Variants in HSPA4L observed in about 807,000 individuals in gnomAD.
The protein encoded by HSPA4L is heat shock 70 kDa protein 4L.
HSPA4L carries 48 observed loss-of-function variants against 100.3 expected under a neutral mutation model. The ratio of observed to expected loss-of-function variants is 0.48; its 90% confidence interval spans 0.38 to 0.61. The LOEUF is 0.61. Among genes scored for constraint, HSPA4L ranks in the 20% least tolerant of loss-of-function variants. The pLI is 0.00. For synonymous variants in HSPA4L, 319 were observed against 328.2 expected (o/e 0.97, Z 0.30); for missense variants, 886 against 988.6 (o/e 0.90, Z 1.39).
At chr4:127,795,240 AG>A in intron 2 of HSPA4L, among the ~76,000 whole-genome samples, 1 of 152,284 alleles carries the variant, frequency 6.6e-6, no homozygotes, top group South Asian at 2.1e-4. Flanking sequence ...TGGGACCAGA[AG>A]TATTCAGATT....
At chr4:127,815,640 TA>T (rs751575954) in intron 12 of HSPA4L, among the ~76,000 whole-genome samples, 3 of 152,220 alleles carry the variant, frequency 2.0e-5, no homozygotes, top group Non-Finnish European at 2.9e-5. Flanking sequence ...TACTTCTATT[TA>T]TTTTTTTAAT....
At chr4:127,818,799 G>A (rs887326280) in intron 13 of HSPA4L, among the ~76,000 whole-genome samples, 17 of 151,546 alleles carry the variant, frequency 1.1e-4, no homozygotes, top group Admixed American at 9.9e-4. Context: ...TTAATACCTG[G>A]GTGATGAAAT....
At chr4:127,824,751 C>G (rs939468518) in intron 16 of HSPA4L, among the ~76,000 whole-genome samples, 1 of 152,184 alleles carries the variant, frequency 6.6e-6, no homozygotes, top group Non-Finnish European at 1.5e-5. Context: ...GACTTGGCCA[C>G]AAAATCTCCT....
chr4:127,814,122 TTAAAGG>T lies in HSPA4L; in HGVS notation c.1578+2487_1578+2492del, dbSNP rs556679376. Among the ~76,000 whole-genome samples, 279 of 152,232 alleles carry T rather than the reference TTAAAGG, an allele frequency of 1.8e-3. 2 individuals are homozygous for T. The highest frequency in any genetic ancestry group is 6.3e-3 in the African/African-American group (262 of 41,546). ...AGCTGGAAATTCAGTTAACCAAGCT[TTAAAGG>T]ATGATTTCTGTATGTGAACTAAGTG... is the stretch of plus-strand genomic sequence containing the variant. On this transcript the variant is annotated intron_variant, in intron 12 of 18. Coordinates refer to ENST00000296464, the MANE Select transcript of HSPA4L (RefSeq NM_014278.4).
At chr4:127,782,960 G>A (rs2148771741) in intron 1 of HSPA4L, among the ~76,000 whole-genome samples, 1 of 152,280 alleles carries the variant, frequency 6.6e-6, no homozygotes, top group Admixed American at 6.5e-5. Context: ...TCTTTTGCTT[G>A]CGAGGAAGAG....
chr4:127,808,796 A>G (rs1169477119), intron 11 of HSPA4L, among the ~76,000 whole-genome samples: 1 of 152,118 alleles, frequency 6.6e-6, no homozygotes, highest in Non-Finnish European at 1.5e-5. Flanking sequence ...GGTGGCACAC[A>G]CTTGTAATCT....
At chr4:127,801,296 A>C in intron 5 of HSPA4L, 59 bp downstream of exon 5, 1 of 1,223,512 alleles carries the variant, frequency 8.2e-7, no homozygotes. Context: ...GTTTTTTTCT[A>C]ATTATTAACA....
intron 9 of HSPA4L, 94 bp from the exon 10 acceptor site, chr4:127,805,593 G>A: frequency 1.2e-6 from 1 of 854,436 alleles, no homozygotes; most frequent in South Asian, 2.3e-5. Flanking sequence ...TGTAACAGTT[G>A]TAATAGGAGG....
chr4:127,828,485 C>T (rs1734003161), intron 17 of HSPA4L, among the ~76,000 whole-genome samples: 2 of 151,814 alleles, frequency 1.3e-5, no homozygotes, highest in Non-Finnish European at 2.9e-5. Context: ...TGAGGTTTAC[C>T]CAAGTAGTTA....
Position 127,822,860 on chromosome 4 carries a change from T to C in HSPA4L, c.1904T>C (p.Leu635Pro). The C allele has an allele frequency of 6.2e-7, 1 of 1,613,134 alleles. No individual in the cohort carries two copies. The highest frequency in any genetic ancestry group is 8.5e-7 in the Non-Finnish European group (1 of 1,179,252). The change falls in exon 15 of 19, where the codon CTG becomes CCG. Residue 635 changes from leucine (L) to proline (P), a missense_variant. Coordinates refer to ENST00000296464, the MANE Select transcript of HSPA4L (RefSeq NM_014278.4). ...EEYVYDFRDR[L>P]GTVYEKFITP... ...TATGTATATGATTTTAGAGACAGGC[T>C]GGGCACTGTCTATGAAAAATTCATC...
Position 127,782,459 on chromosome 4 carries a change from G to A in HSPA4L, c.-92G>A. 9.8e-7 allele frequency: 1 copy of A among 1,016,548 alleles called. No individual in the cohort carries two copies. Among genetic ancestry groups the A allele is most frequent in the Non-Finnish European group, 1.5e-6 (1 of 652,060 alleles). The allele number at this position is 1,016,548 out of a possible 1,614,324, so 63.0% of individuals were successfully genotyped here. ...GGTCCCCTCTCGTTTGCTTCTGGTAGGAGTCGCAATCCCAGCAGCAATAGC... is the reference window on the plus strand; with the variant it reads ...GGTCCCCTCTCGTTTGCTTCTGGTAAGAGTCGCAATCCCAGCAGCAATAGC... On this transcript the variant is annotated 5_prime_UTR_variant, in exon 1 of 19. Transcript: ENST00000296464.
chr4:127,840,143 C>T lies in HSPA4L; in HGVS notation c.*7269C>T. 1 of 152,268 alleles carries T rather than the reference C, an allele frequency of 6.6e-6. No individual in the cohort carries two copies. The highest frequency in any genetic ancestry group is 1.5e-5 in the Non-Finnish European group (1 of 68,086). The allele number at this position is 152,268 out of a possible 1,614,324, so 9.4% of individuals were successfully genotyped here. On this transcript the variant is annotated 3_prime_UTR_variant, in exon 19 of 19. Transcript: ENST00000296464. ...GGCTGAGGTGGGAGAATAGCTTGAACCTGGGAGGCAGAGGTTGTGGTGAGC... is the reference window on the plus strand; with the variant it reads ...GGCTGAGGTGGGAGAATAGCTTGAATCTGGGAGGCAGAGGTTGTGGTGAGC...
chr4:127,825,252 T>C (rs1483877398), intron 16 of HSPA4L, among the ~76,000 whole-genome samples: 1 of 152,196 alleles, frequency 6.6e-6, no homozygotes, highest in South Asian at 2.1e-4. Flanking sequence ...TGGGTGCTTA[T>C]TGAAATGGAA....
chr4:127,829,135 G>A (rs971992349), intron 17 of HSPA4L, among the ~76,000 whole-genome samples: 1 of 152,092 alleles, frequency 6.6e-6, no homozygotes, highest in Middle Eastern at 3.2e-3. Context: ...ACACATGTTA[G>A]GAGAGAAATG....
chr4:127,785,824 T>C (rs925832565), intron 1 of HSPA4L, among the ~76,000 whole-genome samples: 1 of 152,218 alleles, frequency 6.6e-6, no homozygotes, highest in Non-Finnish European at 1.5e-5. Flanking sequence ...ATTTAATCCA[T>C]AGCCTAATAA....
rs1734125539 is a variant in HSPA4L, at chr4:127,832,986, T to G, written c.*112T>G. 1.3e-6 allele frequency: 1 copy of G among 765,866 alleles called. No homozygotes were observed. 47.4% of individuals were successfully genotyped at this position (765,866 alleles called of 1,614,324 possible). A position where few individuals can be genotyped will look rare whatever the true frequency, so the allele number is the denominator to read the frequency against. ...AGTTGTTCTTAACCACTTTTGTCATTTGTTTTTTGGAGTAGTTTTGAAAAG... is the reference window on the plus strand; with the variant it reads ...AGTTGTTCTTAACCACTTTTGTCATGTGTTTTTTGGAGTAGTTTTGAAAAG... On this transcript the variant is annotated 3_prime_UTR_variant, in exon 19 of 19. Coordinates refer to ENST00000296464, the MANE Select transcript of HSPA4L (RefSeq NM_014278.4).
chr4:127,818,020 C>T (rs1733716510), intron 12 of HSPA4L, among the ~76,000 whole-genome samples: 1 of 151,060 alleles, frequency 6.6e-6, no homozygotes, highest in African/African-American at 2.4e-5. Context: ...TGAATGTTCT[C>T]TTTTTTTGTA....
chr4:127,785,562 C>T (rs376052577), intron 1 of HSPA4L, among the ~76,000 whole-genome samples: 1 of 152,042 alleles, frequency 6.6e-6, no homozygotes, highest in Admixed American at 6.5e-5. Flanking sequence ...CTCAGCCTCC[C>T]GAGTAGCTGG....
chr4:127,831,622 A>T (rs762509869), intron 18 of HSPA4L, among the ~76,000 whole-genome samples: 4 of 152,038 alleles, frequency 2.6e-5, no homozygotes, highest in Non-Finnish European at 5.9e-5. Context: ...TTACATATAG[A>T]GATATCTGTT....
Sources: allele counts gnomAD v4.1 joint callset (sites outside exome capture counted in the v4.1 genomes callset), GRCh38; gene constraint gnomAD v4.1.1; transcripts MANE v1.5; gene names NCBI Gene and HGNC (gene_info 2026-07-23, HGNC 2026-07-21).